PTPRR: variants seen among roughly 807,000 people sequenced by gnomAD.
PTPRR encodes protein tyrosine phosphatase receptor type R.
PTPRR carries 38 observed loss-of-function variants against 77.2 expected under a neutral mutation model. That is an observed-to-expected ratio of 0.49 (90% CI 0.38 to 0.65). The LOEUF (loss-of-function observed/expected upper bound fraction) is 0.65. Ranked by LOEUF, PTPRR falls within the 30% of genes least tolerant of loss-of-function variation. PTPRR has a pLI of 0.00. For synonymous variants in PTPRR, 299 were observed against 283.1 expected (o/e 1.06, Z -0.57); for missense variants, 744 against 799.2 (o/e 0.93, Z 0.83).
At chr12:70,770,504 G>C (rs1171687427) in intron 2 of PTPRR, among the ~76,000 whole-genome samples, 1 of 152,114 alleles carries the variant, frequency 6.6e-6, no homozygotes, top group Non-Finnish European at 1.5e-5. Flanking sequence ...AAAAAGTCAG[G>C]AAACAACAGG....
At chr12:70,781,785 C>T (rs1891208340) in intron 2 of PTPRR, among the ~76,000 whole-genome samples, 3 of 151,982 alleles carry the variant, frequency 2.0e-5, no homozygotes, top group African/African-American at 7.2e-5. Flanking sequence ...TCATTTTTTC[C>T]CCATAGTTTT....
intron 2 of PTPRR, among the ~76,000 whole-genome samples, chr12:70,803,425 A>G (rs960608659): frequency 2.0e-5 from 3 of 152,142 alleles, no homozygotes; most frequent in African/African-American, 7.2e-5. Flanking sequence ...TACTAAATCT[A>G]AGTGCAAACA....
Position 70,639,210 on chromosome 12 carries a change from T to C in PTPRR, c.1948A>G (p.Arg650Gly). ...CACTGGACAGTCTCTGCTGAAAGTC[T>C]GCTCTCATACAGGCACAGAGCATGG... ...VHHALCLYES[R>G]LSAETVQ Residue 650 changes from arginine to glycine, a missense_variant, in exon 14 of 14, where the codon AGA (arginine) becomes GGA (glycine). Around this residue, in one of 3 missense-constraint regions of PTPRR, gnomAD observed 170 missense variants for 209.8 expected, o/e 0.81. Coordinates refer to ENST00000283228, the MANE Select transcript of PTPRR (RefSeq NM_002849.4). 6.2e-7 allele frequency: 1 copy of C among 1,613,496 alleles called. No individual in the cohort carries two copies. Among genetic ancestry groups the C allele is most frequent in the Non-Finnish European group, 8.5e-7 (1 of 1,179,884 alleles).
chr12:70,851,513 A>C (rs1453087080), intron 2 of PTPRR, among the ~76,000 whole-genome samples: 1 of 152,146 alleles, frequency 6.6e-6, no homozygotes, highest in Non-Finnish European at 1.5e-5. Context: ...AGATATGGCA[A>C]CCTCTTTCAC....
chr12:70,764,659 T>A lies in PTPRR; in HGVS notation c.471+6A>T. The A allele has an allele frequency of 6.2e-7, 1 of 1,602,634 alleles. No homozygotes were observed. The highest frequency in any genetic ancestry group is 8.6e-7 in the Non-Finnish European group (1 of 1,169,574). ...ATTTTGGAAATGCGAAATGTGGGTA[T>A]CTTACAATGAGGCGATTGATGTGCA... On this transcript the variant is annotated splice_donor_region_variant and intron_variant, in intron 3 of 13. Transcript: ENST00000283228.
At chr12:70,691,632 C>T (rs753255378) in intron 8 of PTPRR, among the ~76,000 whole-genome samples, 1 of 152,206 alleles carries the variant, frequency 6.6e-6, no homozygotes, top group Non-Finnish European at 1.5e-5. Context: ...TGAAACTCCT[C>T]ATGCCCTTCA....
chr12:70,872,719 A>AAAAAAAAAAAC (rs1892982998), intron 2 of PTPRR, among the ~76,000 whole-genome samples: 2 of 146,146 alleles, frequency 1.4e-5, no homozygotes, highest in Non-Finnish European at 3.0e-5. Context: ...AAAAAAAAAA[A>AAAAAAAAAAAC]ACAATCCACC....
chr12:70,645,893 C>T (rs61930335), intron 13 of PTPRR, among the ~76,000 whole-genome samples: 2,791 of 151,940 alleles, frequency 0.018, 60 homozygotes, highest in South Asian at 0.11. Flanking sequence ...CTCCAGATGC[C>T]CAGGAGAGAG....
At chr12:70,764,831 T>G in intron 2 of PTPRR, 53 bp from the exon 3 acceptor site, 1 of 1,296,028 alleles carries the variant, frequency 7.7e-7, no homozygotes. Context: ...TTTGTATAGA[T>G]GTATAGAATA....
At chr12:70,758,577 T>C (rs555804444) in intron 4 of PTPRR, among the ~76,000 whole-genome samples, 3 of 152,256 alleles carry the variant, frequency 2.0e-5, no homozygotes, top group African/African-American at 7.2e-5. Flanking sequence ...CTAGGCAAGA[T>C]GTGTACCAGT....
intron 1 of PTPRR, among the ~76,000 whole-genome samples, chr12:70,919,681 T>TTG (rs1893825737): frequency 4.8e-5 from 1 of 20,954 alleles, no homozygotes; most frequent in South Asian, 2.8e-3. Context: ...TTGTTTTTTT[T>TTG]TTTTTTTTTT....
chr12:70,660,885 T>C (rs1209500621), intron 12 of PTPRR, 55 bp downstream of exon 12: 1 of 1,522,456 alleles, frequency 6.6e-7, no homozygotes. Context: ...ACCTGCTCTG[T>C]GACTTTACAA....
chr12:70,766,214 C>T (rs1890818075), intron 2 of PTPRR, among the ~76,000 whole-genome samples: 1 of 152,094 alleles, frequency 6.6e-6, no homozygotes, highest in South Asian at 2.1e-4. Context: ...TGAAACTACT[C>T]CGAGCTACAG....
chr12:70,797,636 C>T (rs1169203702), intron 2 of PTPRR, among the ~76,000 whole-genome samples: 1 of 152,192 alleles, frequency 6.6e-6, no homozygotes, highest in Admixed American at 6.5e-5. Context: ...TCACCAATGA[C>T]CTCCAAACTG....
At chr12:70,733,427 C>CAACAAA (rs1555171072) in intron 6 of PTPRR, among the ~76,000 whole-genome samples, 24 of 27,048 alleles carry the variant, frequency 8.9e-4, no homozygotes, top group Non-Finnish European at 1.0e-3. Flanking sequence ...CAAACAACAA[C>CAACAAA]AAAAAAAAAA....
At chr12:70,860,466 T>C (rs573150052) in intron 2 of PTPRR, among the ~76,000 whole-genome samples, 10 of 152,258 alleles carry the variant, frequency 6.6e-5, no homozygotes, top group Middle Eastern at 3.4e-3. Context: ...GAAAGTTCAC[T>C]TTAATGTATG....
chr12:70,865,654 T>C (rs557564541), intron 2 of PTPRR, among the ~76,000 whole-genome samples: 37 of 152,276 alleles, frequency 2.4e-4, no homozygotes, highest in African/African-American at 8.9e-4. Context: ...TAACTCAAAG[T>C]TTTCTAATAT....
intron 1 of PTPRR, among the ~76,000 whole-genome samples, chr12:70,903,611 A>C (rs1271388884): frequency 6.6e-6 from 1 of 151,854 alleles, no homozygotes; most frequent in Non-Finnish European, 1.5e-5. Context: ...TAAATGTGTA[A>C]TGTACAAACT....
At chr12:70,879,969 A>C (rs1893120884) in intron 2 of PTPRR, among the ~76,000 whole-genome samples, 1 of 152,226 alleles carries the variant, frequency 6.6e-6, no homozygotes. Flanking sequence ...TGTTAGACGT[A>C]AACCACAATT....
Sources: allele counts gnomAD v4.1 joint callset (sites outside exome capture counted in the v4.1 genomes callset), GRCh38; gene constraint gnomAD v4.1.1; regional missense constraint gnomAD v4.1.1; transcripts MANE v1.5; gene names NCBI Gene and HGNC (gene_info 2026-07-23, HGNC 2026-07-21).